The following STRN3 variants were observed in gnomAD, a reference collection of about 807,000 sequenced individuals.
STRN3 encodes striatin-3.
STRN3 carries 29 observed loss-of-function variants against 95.6 expected under a neutral mutation model. That is an observed-to-expected ratio of 0.30 (90% CI 0.23 to 0.41). The LOEUF is 0.41. Among genes scored for constraint, STRN3 ranks in the 10% least tolerant of loss-of-function variants. The pLI, the probability that STRN3 is intolerant of heterozygous loss-of-function variation, is 1.00. For missense variants in STRN3, 890 were observed against 972.1 expected (o/e 0.92, Z 1.12); for synonymous variants, 331 against 357.6 (o/e 0.93, Z 0.84).
rs1242336124 is a variant in STRN3, at chr14:30,895,377, A to G, written c.*34T>C. 7.0e-6 allele frequency: 11 copies of G among 1,569,744 alleles called. No homozygotes were observed. The South Asian group carries it at 9.4e-5, about 13-fold the overall frequency. ...GTGATGCAGACCCTCTTTCTGTCCA[A>G]GCAAATCTTGTTACGATGCAAGTTT... On this transcript the variant is annotated 3_prime_UTR_variant, in exon 18 of 18. Coordinates refer to ENST00000357479, the MANE Select transcript of STRN3 (RefSeq NM_001083893.2).
chr14:31,011,683 C>G (rs1177668306), intron 1 of STRN3, among the ~76,000 whole-genome samples: 1 of 151,916 alleles, frequency 6.6e-6, no homozygotes, highest in African/African-American at 2.4e-5. Flanking sequence ...TAAGTGCTAA[C>G]AAGGAAATGA....
chr14:30,924,893 G>C (rs1263621636), intron 8 of STRN3, among the ~76,000 whole-genome samples: 1 of 152,108 alleles, frequency 6.6e-6, no homozygotes, highest in Non-Finnish European at 1.5e-5. Context: ...GGAAAAGCAA[G>C]TGTGGTAAAG....
intron 1 of STRN3, among the ~76,000 whole-genome samples, chr14:30,993,032 T>A (rs969141354): frequency 1.3e-5 from 2 of 152,026 alleles, no homozygotes; most frequent in African/African-American, 4.8e-5. Context: ...TAATAAGACA[T>A]CATTTGTCAA....
chr14:30,944,563 A>ATATATACGTG (rs1566449751), intron 5 of STRN3, among the ~76,000 whole-genome samples: 2 of 72,602 alleles, frequency 2.8e-5, no homozygotes, highest in Admixed American at 1.3e-4. Flanking sequence ...GTATATATAT[A>ATATATACGTG]TATATATACA....
intron 1 of STRN3, among the ~76,000 whole-genome samples, chr14:30,992,185 G>A (rs982933013): frequency 1.3e-5 from 2 of 151,524 alleles, no homozygotes; most frequent in Non-Finnish European, 3.0e-5. Context: ...TGAGGCGGGC[G>A]GATCACCTGA....
intron 13 of STRN3, among the ~76,000 whole-genome samples, chr14:30,908,456 T>C (rs144885716): frequency 3.0e-4 from 46 of 152,320 alleles, no homozygotes; most frequent in Middle Eastern, 3.4e-3. Context: ...TTTTCATCCA[T>C]ATAGTCTGAC....
chr14:30,915,834 T>C (rs964902079), intron 9 of STRN3, among the ~76,000 whole-genome samples: 2 of 152,188 alleles, frequency 1.3e-5, no homozygotes, highest in Non-Finnish European at 2.9e-5. Context: ...AGACTATCTC[T>C]GATCAGCCAG....
chr14:30,929,970 A>AAAAAAAAAAAAACAAAC (rs1878440814), intron 7 of STRN3, among the ~76,000 whole-genome samples: 1 of 139,290 alleles, frequency 7.2e-6, no homozygotes, highest in Non-Finnish European at 1.6e-5. Context: ...AAAAAAAAAA[A>AAAAAAAAAAAAACAAAC]AAAAAAAAAC....
intron 15 of STRN3, among the ~76,000 whole-genome samples, chr14:30,904,293 G>A (rs1307567701): frequency 6.6e-6 from 1 of 152,148 alleles, no homozygotes; most frequent in East Asian, 1.9e-4. Flanking sequence ...GAGCCAACAT[G>A]AGCCCCACTG....
chr14:31,021,467 A>G (rs527674959), intron 1 of STRN3, among the ~76,000 whole-genome samples: 1 of 152,344 alleles, frequency 6.6e-6, no homozygotes, highest in African/African-American at 2.4e-5. Flanking sequence ...TTAAATGAAT[A>G]CTGAAATACT....
intron 1 of STRN3, among the ~76,000 whole-genome samples, chr14:30,988,076 G>A (rs1289111679): frequency 1.3e-5 from 2 of 152,254 alleles, no homozygotes; most frequent in East Asian, 3.9e-4. Context: ...CAAATGTCTT[G>A]TATATTAAAG....
At chr14:30,929,348 C>T in intron 7 of STRN3, 37 bp from the exon 8 acceptor site, 1 of 1,558,194 alleles carries the variant, frequency 6.4e-7, no homozygotes, top group South Asian at 1.1e-5. Flanking sequence ...AAAAAATCAG[C>T]AGTTGGCAAT....
intron 1 of STRN3, among the ~76,000 whole-genome samples, chr14:31,023,428 G>A (rs1224569543): frequency 6.6e-6 from 1 of 152,084 alleles, no homozygotes; most frequent in Non-Finnish European, 1.5e-5. Context: ...ACAGAGAACA[G>A]AATCATACTG....
chr14:30,940,400 T>A (rs1031797208), intron 5 of STRN3, among the ~76,000 whole-genome samples: 1 of 152,224 alleles, frequency 6.6e-6, no homozygotes, highest in Non-Finnish European at 1.5e-5. Context: ...TGTCTCTTTT[T>A]GCTATTAATA....
In STRN3 at chr14:30,894,829, T is replaced by C. The variant is rs918265136; in HGVS notation, c.*582A>G. ...AATATATAAAAAGACTTATAAAAAC[T>C]AGAATTTTATCCAAACATTTTGTGC... On this transcript the variant is annotated 3_prime_UTR_variant, in exon 18 of 18. Transcript: ENST00000357479. 1 of 451,846 alleles carries C rather than the reference T, an allele frequency of 2.2e-6. No homozygotes were observed. Among genetic ancestry groups the C allele is most frequent in the Non-Finnish European group, 3.4e-6 (1 of 293,934 alleles). The allele number at this position is 451,846 out of a possible 1,614,324, so 28.0% of individuals were successfully genotyped here.
rs73251987 is a variant in STRN3, at chr14:31,014,677, C to G, written c.282+11227G>C. The G allele has an allele frequency of 4.1e-3, 1,873 of 458,510 alleles. 31 individuals carry two copies. Among genetic ancestry groups the G allele is most frequent in the African/African-American group, 0.034 (1,664 of 48,944 alleles). 28.4% of individuals were successfully genotyped at this position (458,510 alleles called of 1,614,324 possible). A position where few individuals can be genotyped will look rare whatever the true frequency, so the allele number is the denominator to read the frequency against. On this transcript the variant is annotated intron_variant, in intron 1 of 17. Coordinates refer to ENST00000357479, the MANE Select transcript of STRN3 (RefSeq NM_001083893.2). ...GGTGTAATGCTATCTCAAGGTAATA[C>G]CAATACCTTGTGTTTACCTTGGTTC...
At chr14:30,922,934 G>A (rs1896921595) in intron 8 of STRN3, among the ~76,000 whole-genome samples, 1 of 152,080 alleles carries the variant, frequency 6.6e-6, no homozygotes, top group African/African-American at 2.4e-5. Flanking sequence ...AAAAAATCCC[G>A]AGTTAAAGGA....
At chr14:30,979,458 AAATT>A (rs1433921465) in intron 1 of STRN3, among the ~76,000 whole-genome samples, 2 of 152,138 alleles carry the variant, frequency 1.3e-5, no homozygotes, top group African/African-American at 4.8e-5. Flanking sequence ...CTTCAGGCAA[AAATT>A]AATTTTTATA....
Position 31,026,196 on chromosome 14 carries a change from G to A in STRN3, c.-11C>T, listed in dbSNP as rs1883911270. 7.1e-7 allele frequency: 1 copy of A among 1,415,796 alleles called. No homozygotes were observed. The highest frequency in any genetic ancestry group is 9.1e-7 in the Non-Finnish European group (1 of 1,095,746). 87.7% of individuals were successfully genotyped at this position (1,415,796 alleles called of 1,614,324 possible). A position where few individuals can be genotyped will look rare whatever the true frequency, so the allele number is the denominator to read the frequency against. The stretch of plus-strand genomic sequence containing the variant: ...GGCAAGCTCGTCCATTGTGTGTGGG[G>A]CCCCGGCCGGGGCGCAGGGCGAGAC... On this transcript the variant is annotated 5_prime_UTR_variant, in exon 1 of 18. Coordinates refer to ENST00000357479, the MANE Select transcript of STRN3 (RefSeq NM_001083893.2).
Sources: allele counts gnomAD v4.1 joint callset (sites outside exome capture counted in the v4.1 genomes callset), GRCh38; gene constraint gnomAD v4.1.1; transcripts MANE v1.5; gene names NCBI Gene and HGNC (gene_info 2026-07-23, HGNC 2026-07-21).